The following FGF13 variants were observed in gnomAD, a reference collection of about 807,000 sequenced individuals.
The protein encoded by FGF13 is fibroblast growth factor 13, also known as fibroblast growth factor homologous factor 2.
FGF13 carries 2 observed loss-of-function variants against 19.5 expected under a neutral mutation model. The ratio of observed to expected loss-of-function variants is 0.10; its 90% CI spans 0.04 to 0.32. FGF13 has a LOEUF of 0.32. Ranked by LOEUF, FGF13 falls within the 10% of genes least tolerant of loss-of-function variation. The pLI is 1.00. For missense variants in FGF13, 113 were observed against 192.7 expected, an observed-to-expected ratio of 0.59 and a Z score of 2.45; for synonymous variants, 72 against 76.9, an observed-to-expected ratio of 0.94 and a Z score of 0.33.
Position 138,632,772 on chromosome X carries a change from G to T in FGF13, c.*78C>A. 2.8e-6 allele frequency: 3 copies of T among 1,089,726 alleles called. No homozygotes were observed. The Admixed American group carries it at 7.6e-5, about 27-fold the overall frequency. 89.8% of individuals were successfully genotyped at this position (1,089,726 alleles called of 1,213,427 possible). ...TGTCACTGACAAATTTGAACTTTTG[G>T]GTGAAGGACTGCTAGAAGAATTCAA... On this transcript the variant is annotated 3_prime_UTR_variant, in exon 5 of 5. Coordinates refer to ENST00000315930, the MANE Select transcript of FGF13 (RefSeq NM_004114.5).
chrX:138,734,637 T>G (rs1426840713), intron 1 of FGF13, among the ~76,000 whole-genome samples: 1 of 111,744 alleles, frequency 8.9e-6, no homozygotes. Context: ...TCACATACAT[T>G]TAAGTCCCTG....
intron 1 of FGF13, among the ~76,000 whole-genome samples, chrX:139,139,648 G>GTAAT (rs762275226): frequency 8.9e-6 from 1 of 111,997 alleles, no homozygotes; most frequent in African/African-American, 3.2e-5. Context: ...CCTAAATGTA[G>GTAAT]TAAGACCTGT....
intron 1 of FGF13, among the ~76,000 whole-genome samples, chrX:138,954,069 G>T (rs1411643359): frequency 1.0e-5 from 1 of 98,809 alleles, no homozygotes; most frequent in Non-Finnish European, 2.0e-5. Flanking sequence ...CCAAATATTG[G>T]TGCATTTCAT....
intron 3 of FGF13, among the ~76,000 whole-genome samples, chrX:138,646,856 G>A (rs1035145464): frequency 2.7e-5 from 3 of 111,513 alleles, no homozygotes; most frequent in East Asian, 2.8e-4. Context: ...GAGACAGAGC[G>A]AAACACAGAA....
rs3047329 is a variant in FGF13, at chrX:139,011,361, CAAAA to C, written c.-112-146715_-112-146712del. On this transcript the variant is annotated intron_variant, in intron 1 of 2. Transcript: ENST00000421460. Reference sequence around the variant, plus strand: ...GGGAAGGACCTAACAAACAAACAAACAAAAAAAAAAAAAAAAAAAGAAGAAGAAG... The same window carrying C: ...GGGAAGGACCTAACAAACAAACAAACAAAAAAAAAAAAAAAGAAGAAGAAG... Among the ~76,000 whole-genome samples, 15 of 82,917 alleles carry C rather than the reference CAAAA, an allele frequency of 1.8e-4. No homozygotes were observed. In the South Asian group the frequency reaches 2.1e-3, roughly 11 times the overall value. The allele number at this position is 82,917 out of a possible 115,157, so 72.0% of individuals were successfully genotyped here.
At chrX:138,706,202 A>G (rs2089990930) in intron 2 of FGF13, among the ~76,000 whole-genome samples, 1 of 112,552 alleles carries the variant, frequency 8.9e-6, no homozygotes, top group African/African-American at 3.2e-5. Flanking sequence ...TTTGAAGAGA[A>G]AGGGAAAACT....
intron 3 of FGF13, among the ~76,000 whole-genome samples, chrX:138,851,719 G>A (rs2091223573): frequency 8.9e-6 from 1 of 111,746 alleles, no homozygotes; most frequent in African/African-American, 3.3e-5. Context: ...TCTGGCCAGG[G>A]CAATCAGGCA....
rs143528500 is a variant in FGF13 at position 139,040,503 on chromosome X, G to A, written c.-113+162913C>T. Among the ~76,000 whole-genome samples, 67 of 110,881 alleles carry A rather than the reference G, an allele frequency of 6.0e-4. 1 individual carries two copies. In the East Asian group the frequency reaches 0.019, roughly 31 times the overall value. ...AAAACCAAAATCCTGGGAGGGGTAG[G>A]AGAAGATCAAGATTTGCCTAAGACT... On this transcript the variant is annotated intron_variant, in intron 1 of 2. Transcript: ENST00000421460.
chrX:139,104,687 G>A (rs1292547325), intron 1 of FGF13, among the ~76,000 whole-genome samples: 1 of 111,055 alleles, frequency 9.0e-6, no homozygotes, highest in Non-Finnish European at 1.9e-5. Flanking sequence ...TCAGATTCTG[G>A]TGAGGGCCCT....
At chrX:138,702,353 C>G (rs993747322) in intron 3 of FGF13, among the ~76,000 whole-genome samples, 3 of 111,137 alleles carry the variant, frequency 2.7e-5, no homozygotes, top group African/African-American at 9.8e-5. Context: ...TAATTTGGCC[C>G]CATGTTCCAT....
chrX:138,698,434 C>T (rs1046687012), intron 3 of FGF13, among the ~76,000 whole-genome samples: 3 of 111,583 alleles, frequency 2.7e-5, no homozygotes, highest in African/African-American at 9.8e-5. Context: ...AAGAAATATT[C>T]CTTCAAAAAT....
chrX:139,072,009 CAAAAA>C (rs547217409), intron 1 of FGF13, among the ~76,000 whole-genome samples: 2 of 24,840 alleles, frequency 8.1e-5, no homozygotes, highest in Non-Finnish European at 6.7e-5. Flanking sequence ...GATTCCATCT[CAAAAA>C]AAAAAAAAAA....
At chrX:138,979,154 G>A (rs1277064538) in intron 1 of FGF13, among the ~76,000 whole-genome samples, 1 of 111,852 alleles carries the variant, frequency 8.9e-6, no homozygotes, top group Non-Finnish European at 1.9e-5. Flanking sequence ...GTAAAGGTCA[G>A]ACCTCTTCTA....
intron 1 of FGF13, among the ~76,000 whole-genome samples, chrX:138,878,037 A>C (rs774532277): frequency 1.8e-5 from 2 of 111,641 alleles, no homozygotes; most frequent in African/African-American, 6.5e-5. Context: ...ACCATTTTAC[A>C]TTTCCACCAA....
At chrX:138,769,048 G>A (rs1206464265) in intron 3 of FGF13, among the ~76,000 whole-genome samples, 6 of 110,447 alleles carry the variant, frequency 5.4e-5, no homozygotes, top group African/African-American at 9.9e-5. Flanking sequence ...AACATGATTC[G>A]GTTGACTGTT....
At chrX:138,636,876 T>C (rs1359142042) in intron 3 of FGF13, among the ~76,000 whole-genome samples, 1 of 111,804 alleles carries the variant, frequency 8.9e-6, no homozygotes, top group East Asian at 2.8e-4. Context: ...CAATACACAC[T>C]AGCTGAGCAG....
chrX:139,089,722 T>A (rs1745776444), intron 1 of FGF13, among the ~76,000 whole-genome samples: 1 of 112,341 alleles, frequency 8.9e-6, no homozygotes, highest in Non-Finnish European at 1.9e-5. Context: ...AGTACTTCTC[T>A]CCTAGGCCTG....
upstream of FGF13, among the ~76,000 whole-genome samples, chrX:138,743,539 G>A (rs1191597641): frequency 1.8e-5 from 2 of 111,164 alleles, no homozygotes; most frequent in African/African-American, 6.5e-5. Flanking sequence ...TCGGTGATAA[G>A]GGCATGTCAA....
In FGF13 at chrX:138,877,733, G is replaced by C. The variant is rs2091399023; in HGVS notation, c.-112-13083C>G. 1.8e-5 allele frequency among the ~76,000 whole-genome samples: 2 copies of C among 112,335 alleles called. 1 individual carries two copies. The highest frequency in any genetic ancestry group is 7.3e-4 in the South Asian group (2 of 2,730). ...CATAATGTCTTCAAGCTTTATTCAT[G>C]TTGTAGCATGTATCAGAACTTAATT... On this transcript the variant is annotated intron_variant, in intron 1 of 2. Transcript: ENST00000421460.
Sources: allele counts gnomAD v4.1 joint callset (sites outside exome capture counted in the v4.1 genomes callset), GRCh38; gene constraint gnomAD v4.1.1; transcripts MANE v1.5; gene names NCBI Gene and HGNC (gene_info 2026-07-23, HGNC 2026-07-21).